ZNF490: variants seen among roughly 807,000 people sequenced by gnomAD.
ZNF490 encodes zinc finger protein 490.
Under a neutral mutation model 17.7 loss-of-function variants are expected in ZNF490, and 11 were observed. The observed-to-expected ratio is 0.62, with a 90% confidence interval of 0.39 to 1.03. The LOEUF is 1.03. Among genes scored for constraint, ZNF490 ranks in the 50% least tolerant of loss-of-function variants. The probability of loss-of-function intolerance (pLI) is 0.00; values close to 1 mark genes in which losing one functional copy is unlikely to be tolerated. For missense variants in ZNF490, 542 were observed against 643.4 expected (o/e 0.84, Z 1.71); for synonymous variants, 222 against 216.1 (o/e 1.03, Z -0.24).
intron 2 of ZNF490, among the ~76,000 whole-genome samples, chr19:12,592,057 G>C (rs1037079379): frequency 1.3e-5 from 2 of 152,180 alleles, no homozygotes; most frequent in African/African-American, 4.8e-5. Context: ...TCAGGTATCA[G>C]CTGGGCGCGG....
rs753007238 is a variant in ZNF490 at position 12,580,284 on chromosome 19, T to C, written c.*201A>G. On this transcript the variant is annotated 3_prime_UTR_variant, in exon 5 of 5. Coordinates refer to ENST00000311437, the MANE Select transcript of ZNF490 (RefSeq NM_020714.3). ...TGTCCATGGAGTCCATTCACATATC[T>C]GCAATCCCGCAGGAGAGTGCAAGTT... 2.9e-6 allele frequency: 4 copies of C among 1,359,274 alleles called. No individual in the cohort carries two copies. Among genetic ancestry groups the C allele is most frequent in the Non-Finnish European group, 2.8e-6 (3 of 1,058,834 alleles). 84.2% of individuals were successfully genotyped at this position (1,359,274 alleles called of 1,614,324 possible).
At chr19:12,602,800 A>G (rs973796652) in intron 2 of ZNF490, among the ~76,000 whole-genome samples, 5 of 151,172 alleles carry the variant, frequency 3.3e-5, no homozygotes, top group African/African-American at 1.2e-4. Context: ...AGTTTTTTGT[A>G]TTTTTAGTAG....
In ZNF490 at chr19:12,580,482, T is replaced by G; in HGVS notation, c.*3A>C. 6.3e-7 allele frequency: 1 copy of G among 1,574,974 alleles called. No homozygotes were observed. The highest frequency in any genetic ancestry group is 1.4e-5 in the African/African-American group (1 of 73,616). ...ACTGACAGCATTACCACACTTTACT[T>G]TCTTAGGGCTTCTGTCTACTATGAG... On this transcript the variant is annotated 3_prime_UTR_variant, in exon 5 of 5. Coordinates refer to ENST00000311437, the MANE Select transcript of ZNF490 (RefSeq NM_020714.3).
intron 2 of ZNF490, among the ~76,000 whole-genome samples, chr19:12,591,757 G>A (rs530319069): frequency 3.3e-5 from 5 of 150,570 alleles, no homozygotes; most frequent in African/African-American, 1.2e-4. Context: ...GGTGAAGATG[G>A]AGAACAATAA....
In ZNF490 at chr19:12,578,797, T is replaced by C; in HGVS notation, c.*1688A>G. On this transcript the variant is annotated 3_prime_UTR_variant, in exon 5 of 5. Coordinates refer to ENST00000311437, the MANE Select transcript of ZNF490 (RefSeq NM_020714.3). ...TAGAGGGTGTTTCCTAACTTCTGAC[T>C]GGATGCCACAAAAGGCCTGCTGGGG... 1 of 985,460 alleles carries C rather than the reference T, an allele frequency of 1.0e-6. No homozygotes were observed. Among genetic ancestry groups the C allele is most frequent in the Non-Finnish European group, 1.2e-6 (1 of 829,950 alleles). 61.0% of individuals were successfully genotyped at this position (985,460 alleles called of 1,614,324 possible).
intron 2 of ZNF490, among the ~76,000 whole-genome samples, chr19:12,594,780 GTC>G: frequency 6.6e-6 from 1 of 152,284 alleles, no homozygotes; most frequent in South Asian, 2.1e-4. Context: ...CAGAGTGAGA[GTC>G]TGTCTCAGCA....
chr19:12,607,638 A>G (rs548168150), intron 2 of ZNF490, among the ~76,000 whole-genome samples: 1 of 152,130 alleles, frequency 6.6e-6, no homozygotes, highest in East Asian at 1.9e-4. Flanking sequence ...ATAGTGACTC[A>G]CACCTGTAAT....
intron 2 of ZNF490, among the ~76,000 whole-genome samples, chr19:12,593,496 C>T (rs948703412): frequency 4.6e-5 from 7 of 152,038 alleles, no homozygotes; most frequent in Non-Finnish European, 8.8e-5. Context: ...GTGATCCACC[C>T]GCCTCAGCCT....
In ZNF490 at chr19:12,578,265, G is replaced by T. The variant is rs1184726022; in HGVS notation, c.*2220C>A. 1 of 985,576 alleles carries T rather than the reference G, an allele frequency of 1.0e-6. No individual in the cohort carries two copies. The highest frequency in any genetic ancestry group is 1.7e-5 in the African/African-American group (1 of 57,348). 61.1% of individuals were successfully genotyped at this position (985,576 alleles called of 1,614,324 possible). ...AAACAGGGAAAGCAAGTTAGGGGAG[G>T]TAAGAATTCTGAGTGTCCTACAGCT... On this transcript the variant is annotated 3_prime_UTR_variant, in exon 5 of 5. Coordinates refer to ENST00000311437, the MANE Select transcript of ZNF490 (RefSeq NM_020714.3).
intron 2 of ZNF490, among the ~76,000 whole-genome samples, chr19:12,607,286 G>A (rs1307689558): frequency 6.6e-6 from 1 of 151,626 alleles, no homozygotes; most frequent in Non-Finnish European, 1.5e-5. Flanking sequence ...CACCTTCTGG[G>A]TTCAAGCAAT....
In ZNF490 at chr19:12,576,717, T is replaced by G. The variant is rs750838473; in HGVS notation, c.*3768A>C. On this transcript the variant is annotated 3_prime_UTR_variant, in exon 5 of 5. Transcript: ENST00000311437. ...CTATAGTCCCAGCTACTCAGGAGGCTGAGGCAGGAGAATTGCTTGAACCTG... is the reference window on the plus strand; with the variant it reads ...CTATAGTCCCAGCTACTCAGGAGGCGGAGGCAGGAGAATTGCTTGAACCTG... 5.5e-5 allele frequency among the ~76,000 whole-genome samples: 8 copies of G among 146,180 alleles called. No homozygotes were observed. The highest frequency in any genetic ancestry group is 1.0e-4 in the Non-Finnish European group (7 of 67,596).
Position 12,578,147 on chromosome 19 carries a change from G to A in ZNF490, c.*2338C>T, listed in dbSNP as rs563538621. On this transcript the variant is annotated 3_prime_UTR_variant, in exon 5 of 5. Transcript: ENST00000311437. ...AGCGGGAGGCTAGGAAACCAGTCCTGGAGCAGGATGCATGTGACATGCACT... is the reference window on the plus strand; with the variant it reads ...AGCGGGAGGCTAGGAAACCAGTCCTAGAGCAGGATGCATGTGACATGCACT... The A allele has an allele frequency of 1.2e-5, 12 of 985,534 alleles. No individual in the cohort carries two copies. The African/African-American group carries it at 2.1e-4, about 17-fold the overall frequency. 61.0% of individuals were successfully genotyped at this position (985,534 alleles called of 1,614,324 possible).
Position 12,584,370 on chromosome 19 carries a change from A to C in ZNF490, c.163-814T>G, listed in dbSNP as rs1213205567. 6.7e-5 allele frequency among the ~76,000 whole-genome samples: 6 copies of C among 89,082 alleles called. 3 individuals are homozygous for C. The highest frequency in any genetic ancestry group is 5.9e-4 in the South Asian group (2 of 3,414). The allele number at this position is 89,082 out of a possible 152,430, so 58.4% of individuals were successfully genotyped here. On this transcript the variant is annotated intron_variant, in intron 2 of 4. Coordinates refer to ENST00000311437, the MANE Select transcript of ZNF490 (RefSeq NM_020714.3). ...ACGGGGTTTCACCATGTTAGCCAGG[A>C]TGGTCTTGATCTCCTGACCTCGTGA...
rs1054009267 is a variant in ZNF490, at chr19:12,609,262, C to T, written c.118-60G>A. On this transcript the variant is annotated intron_variant, in intron 1 of 4. Coordinates refer to ENST00000311437, the MANE Select transcript of ZNF490 (RefSeq NM_020714.3). ...TCAGCAATTTAGAACTAAACATGAC[C>T]TTTGACAGCCTTGGAAGCATTGTTC... The T allele has an allele frequency of 1.4e-5, 20 of 1,452,042 alleles. No individual in the cohort carries two copies. In the East Asian group the frequency reaches 4.3e-4, roughly 31 times the overall value. 89.9% of individuals were successfully genotyped at this position (1,452,042 alleles called of 1,614,324 possible).
chr19:12,583,939 T>C (rs1163643306), intron 2 of ZNF490, among the ~76,000 whole-genome samples: 1 of 150,344 alleles, frequency 6.7e-6, no homozygotes, highest in Non-Finnish European at 1.5e-5. Flanking sequence ...GCCTCCCGAG[T>C]AGCTGGGACT....
At chr19:12,582,082 C>T (rs1469572708) in intron 4 of ZNF490, among the ~76,000 whole-genome samples, 1 of 152,032 alleles carries the variant, frequency 6.6e-6, no homozygotes, top group Non-Finnish European at 1.5e-5. Context: ...CCACCACGCC[C>T]CGCTAATTTT....
chr19:12,580,086 A>G lies in ZNF490; in HGVS notation c.*399T>C. 8.2e-6 allele frequency: 8 copies of G among 971,312 alleles called. No individual in the cohort carries two copies. The highest frequency in any genetic ancestry group is 9.8e-6 in the Non-Finnish European group (8 of 815,320). The allele number at this position is 971,312 out of a possible 1,614,324, so 60.2% of individuals were successfully genotyped here. ...CGCACCACTGCACTCCAGCCTGGGC[A>G]ACAAGAGCAAAATTACATCTCAACA... On this transcript the variant is annotated 3_prime_UTR_variant, in exon 5 of 5. Coordinates refer to ENST00000311437, the MANE Select transcript of ZNF490 (RefSeq NM_020714.3).
intron 2 of ZNF490, among the ~76,000 whole-genome samples, chr19:12,602,079 TACACACACACACACACAC>T (rs61568541): frequency 1.2e-3 from 79 of 68,650 alleles, no homozygotes; most frequent in Admixed American, 2.6e-3. Context: ...GTTCACTATA[TACACACACACACACACAC>T]ACACACACAC....
intron 2 of ZNF490, among the ~76,000 whole-genome samples, chr19:12,597,485 G>A (rs1293448609): frequency 6.6e-6 from 1 of 152,090 alleles, no homozygotes; most frequent in African/African-American, 2.4e-5. Flanking sequence ...TTCTTTGCCC[G>A]AGGTCCATTT....
Sources: allele counts gnomAD v4.1 joint callset (sites outside exome capture counted in the v4.1 genomes callset), GRCh38; gene constraint gnomAD v4.1.1; transcripts MANE v1.5; gene names NCBI Gene and HGNC (gene_info 2026-07-23, HGNC 2026-07-21).